The following SHC1 variants were observed in gnomAD, a reference collection of about 807,000 sequenced individuals.
SHC1 encodes SHC-transforming protein 1.
Under a neutral mutation model 55.9 loss-of-function variants are expected in SHC1, and 30 were observed. That is an observed-to-expected ratio of 0.54 (90% confidence interval 0.40 to 0.73). The LOEUF (loss-of-function observed/expected upper bound fraction) is 0.73. SHC1 is among the 30% of genes least tolerant of loss of function. SHC1 has a pLI of 0.00. For missense variants in SHC1, 675 were observed against 777.1 expected (o/e 0.87, Z 1.56); for synonymous variants, 309 against 306.1 (o/e 1.01, Z -0.10).
At chr1:154,973,534 AAGAT>A (rs1558066207), upstream of SHC1, 1 of 148,244 alleles carries the variant, frequency 6.7e-6, no homozygotes, top group Non-Finnish European at 1.5e-5. Flanking sequence ...AAAAAAAAAA[AAGAT>A]AGAAAGGAAA....
chr1:154,970,488 G>T lies in SHC1; in HGVS notation c.39C>A (p.Leu13=), dbSNP rs768474925. The T allele has an allele frequency of 1.8e-5, 29 of 1,611,974 alleles. No individual in the cohort carries two copies. Among genetic ancestry groups the T allele is most frequent in the Non-Finnish European group, 2.4e-5 (28 of 1,179,466 alleles). The change falls in exon 1 of 12, where the codon CTC becomes CTA. Residue 13 remains leucine (L), a synonymous_variant. Coordinates refer to ENST00000448116, the MANE Select transcript of SHC1 (RefSeq NM_001130040.2). The surrounding 1 kb of genome is among the most constrained non-coding windows in gnomAD (Gnocchi z 5.5). ...CCAGCGATGACAGAGACTCATTCCG[G>T]AGTGGATTGTACTTGGGCTTGGGGG... ...LLPPKPKYNP[L]RNESLSSLEE...
upstream of SHC1, among the ~76,000 whole-genome samples, chr1:154,971,797 A>G (rs1337885168): frequency 6.6e-6 from 1 of 152,214 alleles, no homozygotes; most frequent in Non-Finnish European, 1.5e-5. Flanking sequence ...CAGGAGAAAA[A>G]TAAGTACAGG....
At chr1:154,966,936 C>T (rs577092820) in intron 7 of SHC1, among the ~76,000 whole-genome samples, 1 of 152,322 alleles carries the variant, frequency 6.6e-6, no homozygotes, top group East Asian at 1.9e-4. Flanking sequence ...GACCTTATCT[C>T]TACCAGAATA....
chr1:154,965,679 C>G lies in SHC1; in HGVS notation c.1490G>C (p.Arg497Pro). 6.2e-7 allele frequency: 1 copy of G among 1,614,186 alleles called. No homozygotes were observed. Residue 497 changes from arginine (R) to proline (P), a missense_variant, in exon 11 of 12, where the codon CGG (arginine) becomes CCG (proline). Arg to Pro is a moderately radical substitution (Grantham distance 103). This residue lies in a region of SHC1 where 360 missense variants were observed against 371.1 expected (regional missense o/e 0.97). Coordinates refer to ENST00000448116, the MANE Select transcript of SHC1 (RefSeq NM_001130040.2). ...EPWFHGKLSR[R>P]EAEALLQLNG... ...GAGCTGCAGCAGTGCCTCAGCCTCC[C>G]GCCGGCTCAGCTTCCCATGGAACCA...
intron 7 of SHC1, 109 bp from the exon 8 acceptor site, chr1:154,966,626 C>G: frequency 1.4e-6 from 1 of 732,878 alleles, no homozygotes; most frequent in Non-Finnish European, 2.2e-6. Context: ...TGGATTAAGC[C>G]TGAGGCTGAG....
rs1381316170 is a variant in SHC1, at chr1:154,963,797, G to A, written c.*6C>T. 3 of 1,613,400 alleles carry A rather than the reference G, an allele frequency of 1.9e-6. No homozygotes were observed. Among genetic ancestry groups the A allele is most frequent in the East Asian group, 4.5e-5 (2 of 44,890 alleles). On this transcript the variant is annotated 3_prime_UTR_variant, in exon 12 of 12. Transcript: ENST00000448116. ...GGCATCTTCTGGAAGAGAGCGCTAGGGCAGATCACAGTTTCCGCTCCACAG... is the reference window on the plus strand; with the variant it reads ...GGCATCTTCTGGAAGAGAGCGCTAGAGCAGATCACAGTTTCCGCTCCACAG...
In SHC1 at chr1:154,970,159, C is replaced by T. The variant is rs368722116; in HGVS notation, c.368G>A (p.Arg123Gln). The T allele has an allele frequency of 2.5e-6, 4 of 1,613,508 alleles. No homozygotes were observed. Among genetic ancestry groups the T allele is most frequent in the South Asian group, 1.1e-5 (1 of 91,076 alleles). ...GCCCCCAAGCTGGCCCCCTTCCACC[C>T]GAGTCCTGCGCCCGCCGCCTCCACT... ...KLSGGGGRRT[R>Q]VEGGQLGGEE... is the part of the protein sequence containing the mutation. Residue 123 changes from arginine (R) to glutamine (Q), a missense_variant, in exon 1 of 12, where the codon CGG becomes CAG. Arg to Gln is a conservative substitution (Grantham distance 43). Around this residue, in one of 3 missense-constraint regions of SHC1, gnomAD observed 156 missense variants for 159.1 expected, o/e 0.98. Coordinates refer to ENST00000448116, the MANE Select transcript of SHC1 (RefSeq NM_001130040.2). This position sits in a 1 kb window ranked among gnomAD's most constrained non-coding sequence, Gnocchi z 5.5.
chr1:154,969,955 A>G lies in SHC1; in HGVS notation c.495+77T>C. 3 of 1,507,522 alleles carry G rather than the reference A, an allele frequency of 2.0e-6. No homozygotes were observed. In the East Asian group the frequency reaches 6.8e-5, roughly 34 times the overall value. 93.4% of individuals were successfully genotyped at this position (1,507,522 alleles called of 1,614,324 possible). On this transcript the variant is annotated intron_variant, in intron 1 of 11. Coordinates refer to ENST00000448116, the MANE Select transcript of SHC1 (RefSeq NM_001130040.2). ...TTGTTGGGGAACAGCAGGAAAAAAG[A>G]GATTCCGGCCAAGCTGGAGTGAGCA...
At chr1:154,973,233 G>C (rs1019967441), upstream of SHC1, 2 of 152,178 alleles carry the variant, frequency 1.3e-5, no homozygotes, top group Admixed American at 6.5e-5. Context: ...AAACGGGGAC[G>C]GGCGCAGTGG....
intron 11 of SHC1, chr1:154,964,178 C>G (rs1324678075): frequency 3.2e-6 from 2 of 618,232 alleles, no homozygotes; most frequent in African/African-American, 3.6e-5. Context: ...AAGCTGAGAG[C>G]TATATACCCC....
intron 11 of SHC1, chr1:154,965,292 C>T (rs1655794704): frequency 2.4e-6 from 3 of 1,229,432 alleles, no homozygotes; most frequent in Non-Finnish European, 3.2e-6. Flanking sequence ...CTGCCTCAGC[C>T]TCCCAAAGCG....
intron 11 of SHC1, chr1:154,964,325 C>T (rs781513935): frequency 7.5e-5 from 35 of 466,548 alleles, no homozygotes; most frequent in Middle Eastern, 5.8e-4. Flanking sequence ...CACTTGAGCC[C>T]GGGAGTTCAA....
Position 154,963,730 on chromosome 1 carries a change from C to T in SHC1, c.*73G>A, listed in dbSNP as rs1178677405. The T allele has an allele frequency of 1.2e-5, 19 of 1,548,912 alleles. No homozygotes were observed. The highest frequency in any genetic ancestry group is 2.3e-4 in the Middle Eastern group (1 of 4,342). On this transcript the variant is annotated 3_prime_UTR_variant, in exon 12 of 12. Coordinates refer to ENST00000448116, the MANE Select transcript of SHC1 (RefSeq NM_001130040.2). ...GCCAAGCCCACAGAACACTCCCAAA[C>T]GAGGTCCCGAGAGTTAGGGAATAGG...
In SHC1 at chr1:154,968,199, C is replaced by T; in HGVS notation, c.804+5G>A. On this transcript the variant is annotated splice_donor_5th_base_variant and intron_variant, in intron 5 of 11. Coordinates refer to ENST00000448116, the MANE Select transcript of SHC1 (RefSeq NM_001130040.2). ...CCACCGCCTTTGCTCTGTTCCCCAACTCACCGGATCCCCGCCGGATGCAAA... is the reference window on the plus strand; with the variant it reads ...CCACCGCCTTTGCTCTGTTCCCCAATTCACCGGATCCCCGCCGGATGCAAA... 1 of 1,614,070 alleles carries T rather than the reference C, an allele frequency of 6.2e-7. No homozygotes were observed. Among genetic ancestry groups the T allele is most frequent in the Non-Finnish European group, 8.5e-7 (1 of 1,179,944 alleles).
Position 154,970,006 on chromosome 1 carries a change from G to A in SHC1, c.495+26C>T, listed in dbSNP as rs578216812. 6.8e-6 allele frequency: 11 copies of A among 1,612,474 alleles called. No individual in the cohort carries two copies. The East Asian group carries it at 8.9e-5, about 13-fold the overall frequency. On this transcript the variant is annotated intron_variant, in intron 1 of 11. Coordinates refer to ENST00000448116, the MANE Select transcript of SHC1 (RefSeq NM_001130040.2). This position sits in a 1 kb window ranked among gnomAD's most constrained non-coding sequence, Gnocchi z 5.5. ...TTAGAACTGGAGGGGGTCTGCGGGG[G>A]AATGGAGAGGAGGATGTTCACTCAC...
upstream of SHC1, among the ~76,000 whole-genome samples, chr1:154,972,988 T>G (rs1360003378): frequency 6.6e-6 from 1 of 151,950 alleles, no homozygotes; most frequent in African/African-American, 2.4e-5. Flanking sequence ...CTTCTGGTAG[T>G]AGAAAACTTT....
rs752151921 is a variant in SHC1 at position 154,968,510 on chromosome 1, G to A, written c.735C>T (p.Ala245=). Residue 245 remains alanine (A), a synonymous_variant, in exon 4 of 12, where the codon GCC becomes GCT. Transcript: ENST00000448116. Reference sequence around the variant, plus strand: ...CTTCACCAACCTGTTTGCAGTCTGCGGCCATGAGGTTGAGGCTGCTGGTGG... The same window carrying A: ...CTTCACCAACCTGTTTGCAGTCTGCAGCCATGAGGTTGAGGCTGCTGGTGG... ...TVSTSSLNLM[A]ADCKQIIANH... is the part of the protein sequence containing the mutation. 2.2e-5 allele frequency: 35 copies of A among 1,613,948 alleles called. No homozygotes were observed. The highest frequency in any genetic ancestry group is 1.1e-4 in the East Asian group (5 of 44,894).
chr1:154,969,311 C>G, intron 2 of SHC1, 67 bp downstream of exon 2: 1 of 1,100,250 alleles, frequency 9.1e-7, no homozygotes, highest in East Asian at 2.5e-5. Context: ...GTGACCCACT[C>G]CCCTCCTCTG....
rs777967742 is a variant in SHC1 at position 154,966,095 on chromosome 1, G to A, written c.1253-15C>T. 27 of 1,613,954 alleles carry A rather than the reference G, an allele frequency of 1.7e-5. No homozygotes were observed. Among genetic ancestry groups the A allele is most frequent in the Non-Finnish European group, 2.1e-5 (25 of 1,179,948 alleles). On this transcript the variant is annotated splice_polypyrimidine_tract_variant and intron_variant, in intron 9 of 11. Coordinates refer to ENST00000448116, the MANE Select transcript of SHC1 (RefSeq NM_001130040.2). Reference sequence around the variant, plus strand: ...CTCTCTGCCTGCTGAGGAAAGGGAGGCTCTACAGTGATCCCAGCCCTGCCT... The same window carrying A: ...CTCTCTGCCTGCTGAGGAAAGGGAGACTCTACAGTGATCCCAGCCCTGCCT...
Sources: allele counts gnomAD v4.1 joint callset (sites outside exome capture counted in the v4.1 genomes callset), GRCh38; gene constraint gnomAD v4.1.1; regional missense constraint gnomAD v4.1.1; non-coding constraint Gnocchi (gnomAD v3.1); transcripts MANE v1.5; gene names NCBI Gene and HGNC (gene_info 2026-07-23, HGNC 2026-07-21).